The following CAPN8 variants were observed in gnomAD, a reference collection of about 807,000 sequenced individuals.
CAPN8 encodes the protein calpain 8.
CAPN8 carries 87 observed loss-of-function variants against 80.9 expected under a neutral mutation model. The ratio of observed to expected loss-of-function variants is 1.07; its 90% CI spans 0.90 to 1.28. The LOEUF is 1.28. CAPN8 is among the 50% of genes most tolerant of loss of function. The pLI is 0.00. For synonymous variants in CAPN8, 299 were observed against 273.8 expected (o/e 1.09, Z -0.91); for missense variants, 757 against 702.0 (o/e 1.08, Z -0.89).
chr1:223,619,055 A>T (rs1170578776), intron 9 of CAPN8, among the ~76,000 whole-genome samples: 6 of 152,156 alleles, frequency 3.9e-5, no homozygotes, highest in Admixed American at 2.6e-4. Context: ...TTAGCCAGGC[A>T]TGGTGGTGCA....
intron 20 of CAPN8, among the ~76,000 whole-genome samples, chr1:223,542,890 G>A (rs74145906): frequency 0.028 from 4,289 of 152,190 alleles, 151 homozygotes; most frequent in African/African-American, 0.084. Context: ...AAATGTAGCT[G>A]TAGCTTTATC....
chr1:223,554,037 C>A, intron 13 of CAPN8, 137 bp from the exon 14 acceptor site: 1 of 394,412 alleles, frequency 2.5e-6, no homozygotes, highest in Non-Finnish European at 4.5e-6. Context: ...TAAGTGGGGG[C>A]ACATGGTGGC....
intron 1 of CAPN8, among the ~76,000 whole-genome samples, chr1:223,656,399 G>A (rs774741022): frequency 2.0e-5 from 3 of 152,026 alleles, no homozygotes; most frequent in African/African-American, 4.8e-5. Flanking sequence ...GGCGGAGGTT[G>A]CAGTAAGCCA....
chr1:223,640,052 A>G (rs1658006674), intron 2 of CAPN8, among the ~76,000 whole-genome samples: 1 of 152,172 alleles, frequency 6.6e-6, no homozygotes, highest in African/African-American at 2.4e-5. Context: ...ACCTACACAT[A>G]GCTTCTCATC....
In CAPN8 at chr1:223,616,205, T is replaced by C. The variant is rs375114312; in HGVS notation, c.1136-60A>G. ...TAGCGGGTGAGGAGATGAAGAAGAA[T>C]AAAGTAAAAGGGAAGAAACTTGATC... On this transcript the variant is annotated intron_variant, in intron 9 of 20. Coordinates refer to ENST00000366872, the MANE Select transcript of CAPN8 (RefSeq NM_001143962.2). 1.9e-4 allele frequency: 284 copies of C among 1,490,442 alleles called. No homozygotes were observed. In the African/African-American group the frequency reaches 3.5e-3, roughly 18 times the overall value. The allele number at this position is 1,490,442 out of a possible 1,614,324, so 92.3% of individuals were successfully genotyped here. A position where few individuals can be genotyped will look rare whatever the true frequency, so the allele number is the denominator to read the frequency against.
chr1:223,622,415 C>G (rs1657425614), intron 7 of CAPN8, among the ~76,000 whole-genome samples: 1 of 152,212 alleles, frequency 6.6e-6, no homozygotes, highest in African/African-American at 2.4e-5. Context: ...TCTCAGCATC[C>G]TTGTTTCTTC....
intron 2 of CAPN8, among the ~76,000 whole-genome samples, chr1:223,633,656 C>T (rs984418717): frequency 1.3e-5 from 2 of 151,832 alleles, no homozygotes; most frequent in Non-Finnish European, 2.9e-5. Flanking sequence ...AGCAAGGCGC[C>T]GCCTCAAAAA....
intron 9 of CAPN8, chr1:223,617,312 TG>T (rs1298511126): frequency 4.7e-5 from 6 of 126,852 alleles, no homozygotes; most frequent in African/African-American, 1.9e-4. Context: ...TGTTTTGTTT[TG>T]TTTTTTTGTT....
intron 8 of CAPN8, among the ~76,000 whole-genome samples, chr1:223,619,976 G>C (rs1657334752): frequency 6.6e-6 from 1 of 152,198 alleles, no homozygotes; most frequent in Non-Finnish European, 1.5e-5. Context: ...CAGGCTGATA[G>C]CTAAGCCAGG....
intron 9 of CAPN8, chr1:223,618,053 C>T: frequency 1.6e-6 from 1 of 615,752 alleles, no homozygotes; most frequent in Non-Finnish European, 2.9e-6. Flanking sequence ...CGAGCACAGC[C>T]CTGCAGTGAG....
chr1:223,660,192 G>A (rs1243654253), intron 1 of CAPN8, among the ~76,000 whole-genome samples: 1 of 152,090 alleles, frequency 6.6e-6, no homozygotes, highest in Non-Finnish European at 1.5e-5. Flanking sequence ...TTGCTGTCTT[G>A]CTGTATTTCT....
At chr1:223,551,134 T>A in intron 14 of CAPN8, 117 bp from the exon 15 acceptor site, 1 of 624,144 alleles carries the variant, frequency 1.6e-6, no homozygotes, top group Non-Finnish European at 2.9e-6. Flanking sequence ...CCTGTGAGGT[T>A]TATTTGTTTT....
chr1:223,542,973 G>T, intron 20 of CAPN8, 135 bp downstream of exon 20: 1 of 858,930 alleles, frequency 1.2e-6, no homozygotes. Flanking sequence ...CCTGCTGGGT[G>T]CCTGCCACAG....
At chr1:223,551,910 G>C (rs1029432578) in intron 14 of CAPN8, among the ~76,000 whole-genome samples, 3 of 152,154 alleles carry the variant, frequency 2.0e-5, no homozygotes, top group Non-Finnish European at 4.4e-5. Flanking sequence ...TCACATAGGA[G>C]CCCATCTCAA....
At chr1:223,546,713 T>G (rs933491287) in intron 16 of CAPN8, among the ~76,000 whole-genome samples, 1 of 152,192 alleles carries the variant, frequency 6.6e-6, no homozygotes, top group Non-Finnish European at 1.5e-5. Context: ...TTTAGTAACT[T>G]CCTCAAATTT....
chr1:223,552,623 AC>A (rs1461993794), intron 14 of CAPN8, among the ~76,000 whole-genome samples: 2,917 of 150,922 alleles, frequency 0.019, 69 homozygotes, highest in Middle Eastern at 0.028. Context: ...CTAGAAGACT[AC>A]CCCCATTAGC....
Position 223,541,875 on chromosome 1 carries a change from A to G in CAPN8, c.2089-16T>C, listed in dbSNP as rs938624724. 5.3e-6 allele frequency: 8 copies of G among 1,511,192 alleles called. No homozygotes were observed. Among genetic ancestry groups the G allele is most frequent in the African/African-American group, 1.8e-5 (1 of 55,408 alleles). 93.6% of individuals were successfully genotyped at this position (1,511,192 alleles called of 1,614,324 possible). A position where few individuals can be genotyped will look rare whatever the true frequency, so the allele number is the denominator to read the frequency against. ...AGCACAGCCACTGCAAAGGAAAGGG[A>G]CAAGATTGAGTCTTGGCTTCTCAGG... On this transcript the variant is annotated splice_polypyrimidine_tract_variant and intron_variant, in intron 20 of 20. Coordinates refer to ENST00000366872, the MANE Select transcript of CAPN8 (RefSeq NM_001143962.2).
intron 2 of CAPN8, among the ~76,000 whole-genome samples, chr1:223,631,698 TC>T (rs1249115442): frequency 6.6e-6 from 1 of 152,200 alleles, no homozygotes; most frequent in African/African-American, 2.4e-5. Flanking sequence ...CACCTCAGCC[TC>T]CCAAGTCTGT....
chr1:223,642,319 T>C (rs548178906), intron 2 of CAPN8, among the ~76,000 whole-genome samples: 1 of 152,344 alleles, frequency 6.6e-6, no homozygotes, highest in South Asian at 2.1e-4. Context: ...ACGTGACTCA[T>C]TTATGGCAAC....
Sources: gnomAD v4.1 joint callset for allele counts (sites outside exome capture counted in the v4.1 genomes callset) on GRCh38, gnomAD v4.1.1 for gene constraint, MANE v1.5 for transcripts, NCBI Gene and HGNC (gene_info 2026-07-23, HGNC 2026-07-21) for gene names.